The following CYSLTR1 variants were observed in gnomAD, a reference collection of about 807,000 sequenced individuals.
CYSLTR1 encodes G-protein coupled receptor HG55.
Under a neutral mutation model 2.1 loss-of-function variants are expected in CYSLTR1, and 1 was observed. The ratio of observed to expected loss-of-function variants is 0.48; its 90% CI spans 0.17 to 2.28. The LOEUF (loss-of-function observed/expected upper bound fraction) is 2.28, where lower values mean the gene tolerates loss of function less well. CYSLTR1 is among the 30% of genes most tolerant of loss of function. CYSLTR1 has a pLI of 0.26. For missense variants in CYSLTR1, 299 were observed against 250.1 expected (o/e 1.20, Z -1.32); for synonymous variants, 110 against 89.6 (o/e 1.23, Z -1.28).
chrX:78,302,561 C>A (rs183573023), intron 1 of CYSLTR1, among the ~76,000 whole-genome samples: 8 of 111,342 alleles, frequency 7.2e-5, no homozygotes, highest in Admixed American at 6.7e-4. Flanking sequence ...AGAGTGTCAC[C>A]AAAGGCCCTT....
intron 1 of CYSLTR1, among the ~76,000 whole-genome samples, chrX:78,314,491 A>G (rs1396262705): frequency 9.0e-6 from 1 of 111,577 alleles, no homozygotes; most frequent in South Asian, 3.8e-4. Context: ...CCTGGTTTTA[A>G]TTTCATATTG....
chrX:78,321,615 G>T (rs942421159), intron 1 of CYSLTR1: 1 of 108,889 alleles, frequency 9.2e-6, no homozygotes, highest in Non-Finnish European at 1.9e-5. Context: ...GCTTGAACCC[G>T]GGAGGCGGAG....
chrX:78,284,759 T>TAAA lies in CYSLTR1; in HGVS notation c.-114-1222_-114-1220dup, dbSNP rs61463264. Among the ~76,000 whole-genome samples the TAAA allele has an allele frequency of 5.1e-3, 371 of 73,079 alleles. 5 individuals are homozygous for TAAA. The highest frequency in any genetic ancestry group is 0.018 in the African/African-American group (336 of 18,720). The allele number at this position is 73,079 out of a possible 115,157, so 63.5% of individuals were successfully genotyped here. A position where few individuals can be genotyped will look rare whatever the true frequency, so the allele number is the denominator to read the frequency against. Reference sequence around the variant, plus strand: ...CTGGAACTTTCTAAAAGAACTCTACTAAAAAAAAAAAAAAAAGAAAAAAGG... The same window carrying TAAA: ...CTGGAACTTTCTAAAAGAACTCTACTAAAAAAAAAAAAAAAAAAAGAAAAAAGG... On this transcript the variant is annotated intron_variant, in intron 1 of 2. Transcript: ENST00000373304.
At chrX:78,280,831 T>G (rs1347972436) in intron 2 of CYSLTR1, among the ~76,000 whole-genome samples, 2 of 111,610 alleles carry the variant, frequency 1.8e-5, no homozygotes, top group Non-Finnish European at 3.8e-5. Flanking sequence ...TGAGAACATG[T>G]GGTATTTGGT....
intron 1 of CYSLTR1, among the ~76,000 whole-genome samples, chrX:78,324,843 G>A (rs1923809264): frequency 1.8e-5 from 2 of 111,083 alleles, no homozygotes; most frequent in South Asian, 7.5e-4. Context: ...GGCCTGAAAC[G>A]CAAATAACAC....
rs1404320210 is a variant in CYSLTR1 at position 78,296,943 on chromosome X, G to A, written c.-114-13403C>T. Among the ~76,000 whole-genome samples, 8 of 111,292 alleles carry A rather than the reference G, an allele frequency of 7.2e-5. No individual in the cohort carries two copies. The Admixed American group carries it at 7.7e-4, about 11-fold the overall frequency. On this transcript the variant is annotated intron_variant, in intron 1 of 2. Transcript: ENST00000373304. Reference sequence around the variant, plus strand: ...CAGTACTATGTTGAATAATTGTGGTGGAAGTGGGCATCCTTGTTTTGTTCC... The same window carrying A: ...CAGTACTATGTTGAATAATTGTGGTAGAAGTGGGCATCCTTGTTTTGTTCC...
chrX:78,292,243 G>A (rs1922372335), intron 1 of CYSLTR1, among the ~76,000 whole-genome samples: 1 of 112,005 alleles, frequency 8.9e-6, no homozygotes, highest in Non-Finnish European at 1.9e-5. Context: ...AGTCATTTAG[G>A]AGCAGGTTGT....
chrX:78,293,383 C>T (rs1303845209), intron 1 of CYSLTR1, among the ~76,000 whole-genome samples: 5 of 111,567 alleles, frequency 4.5e-5, no homozygotes, highest in Admixed American at 2.8e-4. Flanking sequence ...TTGGGTCACC[C>T]GACCTTTCTC....
At chrX:78,275,528 C>G (rs2149181143) in intron 2 of CYSLTR1, among the ~76,000 whole-genome samples, 1 of 101,784 alleles carries the variant, frequency 9.8e-6, no homozygotes, top group African/African-American at 3.7e-5. Flanking sequence ...GGGAATTGAA[C>G]AATGAGAACA....
At chrX:78,278,336 A>G (rs1329012836) in intron 2 of CYSLTR1, among the ~76,000 whole-genome samples, 1 of 111,998 alleles carries the variant, frequency 8.9e-6, no homozygotes, top group Non-Finnish European at 1.9e-5. Context: ...AGCAAGCAAC[A>G]TGGAAAACAT....
chrX:78,302,790 G>C (rs1368685584), intron 1 of CYSLTR1, among the ~76,000 whole-genome samples: 1 of 110,485 alleles, frequency 9.1e-6, no homozygotes, highest in Admixed American at 9.6e-5. Context: ...TATTCAAGAT[G>C]GAAGACAAAG....
At chrX:78,317,301 C>T (rs1447800137) in intron 1 of CYSLTR1, among the ~76,000 whole-genome samples, 2 of 111,797 alleles carry the variant, frequency 1.8e-5, no homozygotes, top group African/African-American at 3.2e-5. Flanking sequence ...CTTACTCCTA[C>T]AAGACTTAAT....
chrX:78,309,974 G>C (rs982411741), intron 1 of CYSLTR1, among the ~76,000 whole-genome samples: 1 of 112,081 alleles, frequency 8.9e-6, no homozygotes, highest in Non-Finnish European at 1.9e-5. Context: ...TGCACAAAAG[G>C]CAAGGATTGA....
At chrX:78,289,272 G>A (rs1922211878) in intron 1 of CYSLTR1, among the ~76,000 whole-genome samples, 1 of 111,432 alleles carries the variant, frequency 9.0e-6, no homozygotes, top group African/African-American at 3.3e-5. Context: ...CTTCATCCAT[G>A]TCCCTGCAAA....
chrX:78,317,301 C>A (rs1447800137), intron 1 of CYSLTR1, among the ~76,000 whole-genome samples: 1 of 111,797 alleles, frequency 8.9e-6, no homozygotes, highest in Non-Finnish European at 1.9e-5. Flanking sequence ...CTTACTCCTA[C>A]AAGACTTAAT....
At chrX:78,282,423 A>G (rs1214713317) in intron 2 of CYSLTR1, among the ~76,000 whole-genome samples, 4 of 112,435 alleles carry the variant, frequency 3.6e-5, no homozygotes, top group African/African-American at 1.3e-4. Context: ...TACTAAATTA[A>G]TGATAGGACA....
At chrX:78,295,720 T>C (rs1036259527) in intron 1 of CYSLTR1, among the ~76,000 whole-genome samples, 24 of 111,870 alleles carry the variant, frequency 2.1e-4, no homozygotes, top group East Asian at 2.8e-4. Flanking sequence ...TCAAATCTTT[T>C]GCCCATTTTT....
chrX:78,321,677 T>G (rs1603412608), intron 1 of CYSLTR1: 2 of 62,529 alleles, frequency 3.2e-5, no homozygotes, highest in African/African-American at 6.8e-5. Context: ...GCAACAAGAG[T>G]GAAACCCTGT....
At chrX:78,323,126 C>G (rs1923729336) in intron 1 of CYSLTR1, among the ~76,000 whole-genome samples, 1 of 111,909 alleles carries the variant, frequency 8.9e-6, no homozygotes, top group Non-Finnish European at 1.9e-5. Flanking sequence ...GATACTTTCA[C>G]CCCTAGTTTG....
Sources: gnomAD v4.1 joint callset for allele counts (sites outside exome capture counted in the v4.1 genomes callset) on GRCh38, gnomAD v4.1.1 for gene constraint, MANE v1.5 for transcripts, NCBI Gene and HGNC (gene_info 2026-07-23, HGNC 2026-07-21) for gene names.